PPM1E: variants seen among roughly 807,000 people sequenced by gnomAD.
PPM1E encodes the protein protein phosphatase, Mg2+/Mn2+ dependent 1E, also known as protein phosphatase 1E.
PPM1E carries 20 observed loss-of-function variants against 65.9 expected under a neutral mutation model. The ratio of observed to expected loss-of-function variants is 0.30; its 90% confidence interval spans 0.21 to 0.44. The LOEUF (loss-of-function observed/expected upper bound fraction) is 0.44, where lower values mean the gene tolerates loss of function less well. Among genes scored for constraint, PPM1E ranks in the 20% least tolerant of loss-of-function variants. The pLI is 1.00. For synonymous variants in PPM1E, 352 were observed against 374.9 expected (o/e 0.94, Z 0.70); for missense variants, 713 against 953.1 (o/e 0.75, Z 3.32).
At chr17:58,899,385 C>T (rs1164579755) in intron 1 of PPM1E, 1 of 166,250 alleles carries the variant, frequency 6.0e-6, no homozygotes, top group Non-Finnish European at 1.3e-5. Flanking sequence ...GAAGACCTCC[C>T]TCAAGCATGA....
At chr17:58,836,405 T>C (rs1360689319) in intron 1 of PPM1E, among the ~76,000 whole-genome samples, 1 of 151,578 alleles carries the variant, frequency 6.6e-6, no homozygotes, top group Non-Finnish European at 1.5e-5. Context: ...GAGGATTTAA[T>C]GAGCCCAGGA....
At chr17:58,971,984 T>C (rs952984901) in intron 4 of PPM1E, 148 bp from the exon 5 acceptor site, 7 of 747,600 alleles carry the variant, frequency 9.4e-6, no homozygotes, top group Non-Finnish European at 1.5e-5. Context: ...TACAAATGCA[T>C]TGAGACAATG....
chr17:58,762,884 C>T (rs1002302403), intron 1 of PPM1E, among the ~76,000 whole-genome samples: 33 of 136,436 alleles, frequency 2.4e-4, no homozygotes, highest in South Asian at 6.7e-4. Flanking sequence ...GGCGACAGAG[C>T]GAGACTCCGT....
At position 58,960,877 on chromosome 17, in the gene PPM1E, C is replaced by G. The variant is rs557692047; in HGVS notation, c.584-4817C>G. 2.0e-5 allele frequency among the ~76,000 whole-genome samples: 3 copies of G among 151,872 alleles called. No individual in the cohort carries two copies. The South Asian group carries it at 6.3e-4, about 32-fold the overall frequency. Reference sequence around the variant, plus strand: ...GAAATATGAAGGACTTATTAAAACTCTATTGAGCAACATAAAAAGGATTTA... The same window carrying G: ...GAAATATGAAGGACTTATTAAAACTGTATTGAGCAACATAAAAAGGATTTA... On this transcript the variant is annotated intron_variant, in intron 2 of 6. Transcript: ENST00000308249.
rs2143501623 is a variant in PPM1E, at chr17:58,910,394, T to C, written c.465-45255T>C. 1.3e-5 allele frequency among the ~76,000 whole-genome samples: 2 copies of C among 152,290 alleles called. 1 individual carries two copies. The highest frequency in any genetic ancestry group is 3.9e-4 in the East Asian group (2 of 5,186). On this transcript the variant is annotated intron_variant, in intron 1 of 6. Transcript: ENST00000308249. ...CTCTGCTTATACCGCCCATCTCTTTTTGCATGTTGTCTACGTTATCCATTA... is the reference window on the plus strand; with the variant it reads ...CTCTGCTTATACCGCCCATCTCTTTCTGCATGTTGTCTACGTTATCCATTA...
intron 1 of PPM1E, among the ~76,000 whole-genome samples, chr17:58,842,530 C>T (rs777267665): frequency 2.0e-5 from 3 of 152,132 alleles, no homozygotes; most frequent in South Asian, 2.1e-4. Flanking sequence ...GTTGGCTGGG[C>T]GCAGTGGCTC....
chr17:58,765,134 C>T (rs1459764877), intron 1 of PPM1E, among the ~76,000 whole-genome samples: 1 of 149,564 alleles, frequency 6.7e-6, no homozygotes, highest in Non-Finnish European at 1.5e-5. Context: ...ATTCTTATTA[C>T]TGATTAGCAT....
chr17:58,984,645 T>G lies in PPM1E; in HGVS notation c.*3614T>G, dbSNP rs1267621193. On this transcript the variant is annotated 3_prime_UTR_variant, in exon 7 of 7. Transcript: ENST00000308249. Reference sequence around the variant, plus strand: ...AGGACAAATGCCCACTCTTCTATTCTGATCTGCAAATAGCTTAAATGTCTC... The same window carrying G: ...AGGACAAATGCCCACTCTTCTATTCGGATCTGCAAATAGCTTAAATGTCTC... 1 of 152,630 alleles carries G rather than the reference T, an allele frequency of 6.6e-6. No individual in the cohort carries two copies. Among genetic ancestry groups the G allele is most frequent in the South Asian group, 2.1e-4 (1 of 4,834 alleles). 9.5% of individuals were successfully genotyped at this position (152,630 alleles called of 1,614,324 possible).
At chr17:58,894,529 C>T (rs1039806831) in intron 1 of PPM1E, among the ~76,000 whole-genome samples, 5 of 152,090 alleles carry the variant, frequency 3.3e-5, no homozygotes, top group Non-Finnish European at 5.9e-5. Context: ...ATTGATTTTG[C>T]ACCATCAGTG....
At chr17:58,822,024 G>C (rs1407807236) in intron 1 of PPM1E, among the ~76,000 whole-genome samples, 9 of 152,192 alleles carry the variant, frequency 5.9e-5, no homozygotes, top group Admixed American at 2.6e-4. Context: ...TAAAGCATAA[G>C]TTGTTGATGA....
In PPM1E at chr17:58,810,207, C is replaced by CT. The variant is rs1049093588; in HGVS notation, c.464+53752dup. 2.3e-4 allele frequency among the ~76,000 whole-genome samples: 35 copies of CT among 151,866 alleles called. No individual in the cohort carries two copies. In the South Asian group the frequency reaches 6.5e-3, roughly 28 times the overall value. On this transcript the variant is annotated intron_variant, in intron 1 of 6. Coordinates refer to ENST00000308249, the MANE Select transcript of PPM1E (RefSeq NM_014906.5). ...AATAATTCATATGTGGTGCTGTGTA[C>CT]TTTTTTGTTTTTTTTTTCTGAGACG...
chr17:58,965,076 A>C (rs983109148), intron 2 of PPM1E, among the ~76,000 whole-genome samples: 1 of 149,196 alleles, frequency 6.7e-6, no homozygotes, highest in East Asian at 1.9e-4. Context: ...ATATATATAC[A>C]CACACACACA....
intron 1 of PPM1E, among the ~76,000 whole-genome samples, chr17:58,889,458 G>A (rs1159907854): frequency 1.3e-5 from 2 of 152,132 alleles, no homozygotes; most frequent in African/African-American, 2.4e-5. Flanking sequence ...AAATAACTGG[G>A]CGTGGTGGCA....
rs754816400 is a variant in PPM1E at position 58,784,367 on chromosome 17, A to G, written c.464+27906A>G. Among the ~76,000 whole-genome samples, 12 of 151,904 alleles carry G rather than the reference A, an allele frequency of 7.9e-5. 1 individual carries two copies. Among genetic ancestry groups the G allele is most frequent in the Non-Finnish European group, 1.6e-4 (11 of 67,970 alleles). On this transcript the variant is annotated intron_variant, in intron 1 of 6. Transcript: ENST00000308249. ...AAGCTAGTTTACTGCTTTAGTAAGA[A>G]TGTTATAGAGTGAATCAAAGTTCAG... is the stretch of plus-strand genomic sequence containing the variant.
At chr17:58,817,925 G>T (rs1418335990) in intron 1 of PPM1E, among the ~76,000 whole-genome samples, 2 of 152,130 alleles carry the variant, frequency 1.3e-5, no homozygotes, top group Non-Finnish European at 2.9e-5. Context: ...TTAATTTTTT[G>T]TATTTTTAGT....
intron 6 of PPM1E, among the ~76,000 whole-genome samples, chr17:58,976,938 T>C: frequency 6.6e-6 from 1 of 152,162 alleles, no homozygotes; most frequent in Non-Finnish European, 1.5e-5. Context: ...GAATAGGGGA[T>C]GGGAACTTTA....
chr17:58,937,870 A>G (rs2143591431), intron 1 of PPM1E, among the ~76,000 whole-genome samples: 1 of 102,792 alleles, frequency 9.7e-6, no homozygotes. Context: ...ACAGAGTGAG[A>G]CTCCATCTCA....
chr17:58,860,159 G>A (rs1310358468), intron 1 of PPM1E, among the ~76,000 whole-genome samples: 1 of 152,140 alleles, frequency 6.6e-6, no homozygotes, highest in Non-Finnish European at 1.5e-5. Flanking sequence ...TCTTAACAGT[G>A]GAATTCAGAA....
At chr17:58,864,633 C>T (rs1206437784) in intron 1 of PPM1E, among the ~76,000 whole-genome samples, 1 of 151,186 alleles carries the variant, frequency 6.6e-6, no homozygotes, top group African/African-American at 2.4e-5. Flanking sequence ...GAGCGAGACT[C>T]CATCTCAAAG....
Sources: allele counts gnomAD v4.1 joint callset (sites outside exome capture counted in the v4.1 genomes callset), GRCh38; gene constraint gnomAD v4.1.1; transcripts MANE v1.5; gene names NCBI Gene and HGNC (gene_info 2026-07-23, HGNC 2026-07-21).